Variants in SDK1 observed in about 807,000 individuals in gnomAD.
The protein encoded by SDK1 is protein sidekick-1.
SDK1 carries 157 observed loss-of-function variants against 245.5 expected under a neutral mutation model. The observed-to-expected ratio is 0.64, with a 90% CI of 0.56 to 0.73. SDK1 has a LOEUF of 0.73. SDK1 is among the 30% of genes least tolerant of loss of function. The pLI is 0.00. For missense variants in SDK1, 3,583 were observed against 3,002.3 expected (o/e 1.19, Z -4.52); for synonymous variants, 1,647 against 1,278.5 (o/e 1.29, Z -6.15).
chr7:3,473,992 G>A (rs1781264044), intron 1 of SDK1, among the ~76,000 whole-genome samples: 1 of 149,998 alleles, frequency 6.7e-6, no homozygotes, highest in Non-Finnish European at 1.5e-5. Flanking sequence ...GATATTTTTG[G>A]ACATCCACCT....
At chr7:3,779,140 T>A (rs1353867903) in intron 4 of SDK1, among the ~76,000 whole-genome samples, 1 of 152,202 alleles carries the variant, frequency 6.6e-6, no homozygotes, top group Non-Finnish European at 1.5e-5. Flanking sequence ...TTAAATTGAT[T>A]GATGTGAAAA....
chr7:3,903,180 G>C (rs138235303), intron 5 of SDK1, among the ~76,000 whole-genome samples: 2 of 147,416 alleles, frequency 1.4e-5, no homozygotes, highest in Non-Finnish European at 3.0e-5. Context: ...ACGAGACTCC[G>C]TCGCTCAGGC....
intron 1 of SDK1, among the ~76,000 whole-genome samples, chr7:3,345,339 C>G (rs1780464269): frequency 6.6e-6 from 1 of 151,900 alleles, no homozygotes; most frequent in Non-Finnish European, 1.5e-5. Flanking sequence ...TGTTAGGAAA[C>G]AAAAAGAGAC....
chr7:3,484,350 A>G (rs1200262098), intron 1 of SDK1, among the ~76,000 whole-genome samples: 1 of 152,134 alleles, frequency 6.6e-6, no homozygotes, highest in South Asian at 2.1e-4. Context: ...AAACCTACAT[A>G]TATGGGGGCT....
intron 1 of SDK1, among the ~76,000 whole-genome samples, chr7:3,580,291 A>G (rs577363168): frequency 1.3e-5 from 2 of 152,222 alleles, no homozygotes; most frequent in Non-Finnish European, 2.9e-5. Flanking sequence ...GGAAATAACT[A>G]TTTTAAAATT....
At chr7:4,196,628 G>A (rs1274364955) in intron 35 of SDK1, among the ~76,000 whole-genome samples, 3 of 151,940 alleles carry the variant, frequency 2.0e-5, no homozygotes, top group Admixed American at 6.6e-5. Flanking sequence ...GGCACTGCCC[G>A]GGGAGCCCTG....
At position 3,735,305 on chromosome 7, in the gene SDK1, C is replaced by G. The variant is rs765462817; in HGVS notation, c.714-86145C>G. 4.6e-5 allele frequency among the ~76,000 whole-genome samples: 7 copies of G among 152,282 alleles called. No homozygotes were observed. In the South Asian group the frequency reaches 1.5e-3, roughly 32 times the overall value. Reference sequence around the variant, plus strand: ...TTGCGAAACTGAAAATCTGTACTTGCTAAGCAGTGACTCTCTGATTCCCCT... The same window carrying G: ...TTGCGAAACTGAAAATCTGTACTTGGTAAGCAGTGACTCTCTGATTCCCCT... On this transcript the variant is annotated intron_variant, in intron 4 of 44. Transcript: ENST00000404826.
intron 1 of SDK1, among the ~76,000 whole-genome samples, chr7:3,464,181 A>T (rs749344148): frequency 1.3e-5 from 2 of 152,220 alleles, no homozygotes; most frequent in African/African-American, 2.4e-5. Context: ...TTCCAAGTAT[A>T]TGAAGCAGTT....
intron 4 of SDK1, among the ~76,000 whole-genome samples, chr7:3,767,740 T>C (rs2114996559): frequency 6.6e-6 from 1 of 152,314 alleles, no homozygotes; most frequent in Non-Finnish European, 1.5e-5. Context: ...ATCCCAAGTC[T>C]GTGTTCTTAA....
chr7:3,528,871 T>TA (rs1433379606), intron 1 of SDK1, among the ~76,000 whole-genome samples: 1 of 152,142 alleles, frequency 6.6e-6, no homozygotes, highest in African/African-American at 2.4e-5. Context: ...TTGGGCTTTT[T>TA]ATGGGCTCTT....
chr7:3,318,853 A>G (rs1239724889), intron 1 of SDK1, among the ~76,000 whole-genome samples: 1 of 152,190 alleles, frequency 6.6e-6, no homozygotes, highest in Non-Finnish European at 1.5e-5. Flanking sequence ...TGACAATCAA[A>G]TTTATTCAAG....
chr7:3,460,535 T>C (rs746504393), intron 1 of SDK1, among the ~76,000 whole-genome samples: 3 of 152,240 alleles, frequency 2.0e-5, no homozygotes, highest in Non-Finnish European at 2.9e-5. Context: ...ATAATTTATA[T>C]GTCAGTGTGT....
At chr7:3,972,374 C>T (rs902255464) in intron 12 of SDK1, among the ~76,000 whole-genome samples, 4 of 152,088 alleles carry the variant, frequency 2.6e-5, no homozygotes, top group East Asian at 3.9e-4. Flanking sequence ...CTGCCGTGCC[C>T]GGCCAAGGGT....
At chr7:3,903,149 G>GT (rs79544680) in intron 5 of SDK1, among the ~76,000 whole-genome samples, 18,365 of 142,234 alleles carry the variant, frequency 0.13, 1,466 homozygotes, top group East Asian at 0.28. Context: ...TTTTTGTTTT[G>GT]TTTTTTTTTT....
At chr7:4,170,971 T>A (rs663374) in intron 32 of SDK1, among the ~76,000 whole-genome samples, 2 of 152,126 alleles carry the variant, frequency 1.3e-5, no homozygotes, top group African/African-American at 4.8e-5. Context: ...TAGCCTCCCC[T>A]ACCTGTTCCC....
intron 4 of SDK1, among the ~76,000 whole-genome samples, chr7:3,735,000 G>C (rs1273451576): frequency 6.6e-6 from 1 of 151,926 alleles, no homozygotes; most frequent in East Asian, 1.9e-4. Context: ...TCTCCCCATG[G>C]GTCAGTTAAG....
chr7:3,412,668 C>G (rs1017487835), intron 1 of SDK1, among the ~76,000 whole-genome samples: 6 of 152,140 alleles, frequency 3.9e-5, no homozygotes, highest in South Asian at 2.1e-4. Context: ...GGGGCAGTTA[C>G]GATTTTGAAA....
intron 4 of SDK1, among the ~76,000 whole-genome samples, chr7:3,716,627 G>T (rs1043003805): frequency 2.0e-5 from 3 of 151,938 alleles, no homozygotes; most frequent in Non-Finnish European, 4.4e-5. Flanking sequence ...CAGGCGTGGT[G>T]CACACCCCTG....
intron 4 of SDK1, among the ~76,000 whole-genome samples, chr7:3,750,203 C>A (rs1032745015): frequency 2.0e-5 from 3 of 152,182 alleles, no homozygotes; most frequent in African/African-American, 7.2e-5. Flanking sequence ...AGAGTTAGAA[C>A]TTACATCTCT....
Sources: gnomAD v4.1 joint callset for allele counts (sites outside exome capture counted in the v4.1 genomes callset) on GRCh38, gnomAD v4.1.1 for gene constraint, MANE v1.5 for transcripts, NCBI Gene and HGNC (gene_info 2026-07-23, HGNC 2026-07-21) for gene names.